The following TOR1B variants were observed in gnomAD, a reference collection of about 807,000 sequenced individuals.
The protein encoded by TOR1B is torsin family 1 member B.
Under a neutral mutation model 29.2 loss-of-function variants are expected in TOR1B, and 14 were observed. The ratio of observed to expected loss-of-function variants is 0.48; its 90% CI spans 0.32 to 0.75. The LOEUF (loss-of-function observed/expected upper bound fraction) is 0.75, where lower values mean the gene tolerates loss of function less well. Ranked by LOEUF, TOR1B falls within the 30% of genes least tolerant of loss-of-function variation. The pLI is 0.04. For missense variants in TOR1B, 400 were observed against 433.9 expected, an observed-to-expected ratio of 0.92 and a Z score of 0.69; for synonymous variants, 166 against 179.8, an observed-to-expected ratio of 0.92 and a Z score of 0.62.
chr9:129,810,018 G>C lies in TOR1B; in HGVS notation c.*435G>C, dbSNP rs1422756468. 1.7e-6 allele frequency: 2 copies of C among 1,201,336 alleles called. No individual in the cohort carries two copies. Among genetic ancestry groups the C allele is most frequent in the Admixed American group, 3.3e-5 (1 of 30,346 alleles). 74.4% of individuals were successfully genotyped at this position (1,201,336 alleles called of 1,614,324 possible). A position where few individuals can be genotyped will look rare whatever the true frequency, so the allele number is the denominator to read the frequency against. The stretch of plus-strand genomic sequence containing the variant: ...CACACTTAATGTACTGACCGAGACA[G>C]AAGTACCTGAAAACAGCTGTGCATG... On this transcript the variant is annotated 3_prime_UTR_variant, in exon 5 of 5. Transcript: ENST00000259339.
rs531691638 is a variant in TOR1B at position 129,804,934 on chromosome 9, G to C, written c.465+596G>C. Among the ~76,000 whole-genome samples the C allele has an allele frequency of 1.5e-4, 22 of 150,124 alleles. 1 individual carries two copies. Among genetic ancestry groups the C allele is most frequent in the Admixed American group, 2.0e-4 (3 of 15,052 alleles). Reference sequence around the variant, plus strand: ...GGGGCGGATCACGAGGTCAGGAGATGGAGACCATCCTGGCTAACACGGTGA... The same window carrying C: ...GGGGCGGATCACGAGGTCAGGAGATCGAGACCATCCTGGCTAACACGGTGA... On this transcript the variant is annotated intron_variant, in intron 2 of 4. Transcript: ENST00000259339.
Position 129,810,341 on chromosome 9 carries a change from GT to G in TOR1B, c.*759del. 2 of 1,159,630 alleles carry G rather than the reference GT, an allele frequency of 1.7e-6. No homozygotes were observed. Among genetic ancestry groups the G allele is most frequent in the Non-Finnish European group, 2.3e-6 (2 of 887,436 alleles). The allele number at this position is 1,159,630 out of a possible 1,614,324, so 71.8% of individuals were successfully genotyped here. A position where few individuals can be genotyped will look rare whatever the true frequency, so the allele number is the denominator to read the frequency against. ...ACTCTTGATCTGAGCTGACCTGTGTGTGTGTGTGTGGGGGGGTGGGGCCTTC... is the reference window on the plus strand; with the variant it reads ...ACTCTTGATCTGAGCTGACCTGTGTGGTGTGTGTGGGGGGGTGGGGCCTTC... On this transcript the variant is annotated 3_prime_UTR_variant, in exon 5 of 5. Transcript: ENST00000259339.
At chr9:129,808,812 A>G in intron 3 of TOR1B, 93 bp from the exon 4 acceptor site, 2 of 1,532,204 alleles carry the variant, frequency 1.3e-6, no homozygotes, top group Non-Finnish European at 1.8e-6. Context: ...TCGGCCTCCC[A>G]AAGTGCTGGG....
chr9:129,804,836 CAAA>C (rs34803368), intron 2 of TOR1B, among the ~76,000 whole-genome samples: 3 of 50,376 alleles, frequency 6.0e-5, no homozygotes. Context: ...TACTCGGTCT[CAAA>C]AAAAAAAAAA....
rs141116203 is a variant in TOR1B at position 129,810,264 on chromosome 9, G to T, written c.*681G>T. ...TGAAGTATACTCAGTTAAAATCGGG[G>T]CTGGAGGTGCAGACGGTGTCTGACC... On this transcript the variant is annotated 3_prime_UTR_variant, in exon 5 of 5. Coordinates refer to ENST00000259339, the MANE Select transcript of TOR1B (RefSeq NM_014506.3). The T allele has an allele frequency of 7.4e-5, 97 of 1,304,006 alleles. No individual in the cohort carries two copies. The African/African-American group carries it at 1.2e-3, about 17-fold the overall frequency. 80.8% of individuals were successfully genotyped at this position (1,304,006 alleles called of 1,614,324 possible).
At chr9:129,808,302 A>G (rs1234123382) in intron 3 of TOR1B, among the ~76,000 whole-genome samples, 1 of 152,026 alleles carries the variant, frequency 6.6e-6, no homozygotes, top group Non-Finnish European at 1.5e-5. Flanking sequence ...TTTCAAGACC[A>G]GGCTGGCCAA....
In TOR1B at chr9:129,803,326, G is replaced by A. The variant is rs773358359; in HGVS notation, c.114G>A (p.Ser38=). The A allele has an allele frequency of 1.3e-6, 2 of 1,591,340 alleles. No homozygotes were observed. Among genetic ancestry groups the A allele is most frequent in the Non-Finnish European group, 1.7e-6 (2 of 1,172,440 alleles). ...ITVGLAIGAA[S]AITGYLSYND... The stretch of plus-strand genomic sequence containing the variant: ...TGGGCCTAGCCATCGGGGCCGCGTC[G>A]GCCATCACCGGCTACCTGTCCTACA... Residue 38 remains serine (S), a synonymous_variant, in exon 1 of 5, where the codon TCG becomes TCA. Coordinates refer to ENST00000259339, the MANE Select transcript of TOR1B (RefSeq NM_014506.3).
intron 1 of TOR1B, among the ~76,000 whole-genome samples, chr9:129,803,696 C>T (rs964837780): frequency 2.6e-5 from 4 of 152,232 alleles, no homozygotes; most frequent in African/African-American, 9.6e-5. Context: ...GGAAAGTAGG[C>T]GGGCGGCCCT....
chr9:129,806,235 G>C (rs1431346997), intron 2 of TOR1B, among the ~76,000 whole-genome samples: 1 of 152,146 alleles, frequency 6.6e-6, no homozygotes, highest in Non-Finnish European at 1.5e-5. Flanking sequence ...AGACAGGGAA[G>C]ACTGCTAAAA....
rs756830163 is a variant in TOR1B at position 129,803,210 on chromosome 9, G to C, written c.-3G>C. 1 of 1,479,546 alleles carries C rather than the reference G, an allele frequency of 6.8e-7. No individual in the cohort carries two copies. Among genetic ancestry groups the C allele is most frequent in the Non-Finnish European group, 8.9e-7 (1 of 1,122,188 alleles). 91.7% of individuals were successfully genotyped at this position (1,479,546 alleles called of 1,614,324 possible). On this transcript the variant is annotated 5_prime_UTR_variant, in exon 1 of 5. Transcript: ENST00000259339. ...GTGGCTTCTGCGGGCTTCGAGGAGC[G>C]GGATGTTGCGGGCTGGGTGGCTCCG...
At chr9:129,809,096 G>C in intron 4 of TOR1B, 64 bp downstream of exon 4, 1 of 1,547,770 alleles carries the variant, frequency 6.5e-7, no homozygotes, top group South Asian at 1.2e-5. Context: ...CTCTTTCATT[G>C]AGTGTTTCAC....
chr9:129,803,795 C>T (rs1408349972), intron 1 of TOR1B, among the ~76,000 whole-genome samples: 1 of 152,204 alleles, frequency 6.6e-6, no homozygotes, highest in East Asian at 1.9e-4. Flanking sequence ...TCCTGCAGGT[C>T]AGCAAGGGTG....
rs1266485603 is a variant in TOR1B at position 129,809,736 on chromosome 9, T to C, written c.*153T>C. 2.8e-6 allele frequency: 4 copies of C among 1,439,006 alleles called. No individual in the cohort carries two copies. Among genetic ancestry groups the C allele is most frequent in the Non-Finnish European group, 3.6e-6 (4 of 1,102,822 alleles). 89.1% of individuals were successfully genotyped at this position (1,439,006 alleles called of 1,614,324 possible). A position where few individuals can be genotyped will look rare whatever the true frequency, so the allele number is the denominator to read the frequency against. ...TCTTTTTTTTGAGAAGAGGTCTCAC[T>C]CCGTCATCCAAGCTGGAGTGCAGTG... On this transcript the variant is annotated 3_prime_UTR_variant, in exon 5 of 5. Transcript: ENST00000259339.
intron 2 of TOR1B, among the ~76,000 whole-genome samples, chr9:129,805,886 C>T (rs977862186): frequency 6.6e-6 from 1 of 152,060 alleles, no homozygotes; most frequent in African/African-American, 2.4e-5. Context: ...AGGGTTAGTT[C>T]TCATTTAAAT....
Position 129,804,209 on chromosome 9 carries a change from C to T in TOR1B, c.336C>T (p.Gly112=). Residue 112 remains glycine, a synonymous_variant, in exon 2 of 5, where the codon GGC becomes GGT. Transcript: ENST00000259339. Reference sequence around the variant, plus strand: ...CCCTTTCCTTACACGGCTGGGCTGGCACAGGCAAGAATTTTGTCAGTCAAA... The same window carrying T: ...CCCTTTCCTTACACGGCTGGGCTGGTACAGGCAAGAATTTTGTCAGTCAAA... The part of the protein sequence containing the change: ...PLTLSLHGWA[G]TGKNFVSQIV... 1 of 1,614,218 alleles carries T rather than the reference C, an allele frequency of 6.2e-7. No homozygotes were observed. Among genetic ancestry groups the T allele is most frequent in the Non-Finnish European group, 8.5e-7 (1 of 1,180,042 alleles).
rs111440015 is a variant in TOR1B, at chr9:129,810,399, C to T, written c.*816C>T. The T allele has an allele frequency of 0.025, 30,472 of 1,218,204 alleles. 493 individuals carry two copies. The highest frequency in any genetic ancestry group is 0.027 in the Non-Finnish European group (25,584 of 945,364). 75.5% of individuals were successfully genotyped at this position (1,218,204 alleles called of 1,614,324 possible). A position where few individuals can be genotyped will look rare whatever the true frequency, so the allele number is the denominator to read the frequency against. On this transcript the variant is annotated 3_prime_UTR_variant, in exon 5 of 5. Coordinates refer to ENST00000259339, the MANE Select transcript of TOR1B (RefSeq NM_014506.3). ...GACCTCTGCAGCAGACCTGGACAGA[C>T]AGGCCCCTCCCGCCTGTCCATCGCT... is the stretch of plus-strand genomic sequence containing the variant.
At position 129,810,056 on chromosome 9, in the gene TOR1B, A is replaced by G; in HGVS notation, c.*473A>G. 8.1e-7 allele frequency: 1 copy of G among 1,234,078 alleles called. No individual in the cohort carries two copies. The highest frequency in any genetic ancestry group is 1.4e-5 in the South Asian group (1 of 70,944). 76.4% of individuals were successfully genotyped at this position (1,234,078 alleles called of 1,614,324 possible). A position where few individuals can be genotyped will look rare whatever the true frequency, so the allele number is the denominator to read the frequency against. On this transcript the variant is annotated 3_prime_UTR_variant, in exon 5 of 5. Transcript: ENST00000259339. ...ACAGCTGTGCATGGCAGGCCCGGCA[A>G]TAGCTTCTGACCCACAGCACCCGCG...
chr9:129,810,174 T>G lies in TOR1B; in HGVS notation c.*591T>G, dbSNP rs1564179670. 7.7e-7 allele frequency: 1 copy of G among 1,304,194 alleles called. No individual in the cohort carries two copies. The highest frequency in any genetic ancestry group is 1.0e-6 in the Non-Finnish European group (1 of 988,902). 80.8% of individuals were successfully genotyped at this position (1,304,194 alleles called of 1,614,324 possible). ...TTCTCACCAGCAGGCTGCGGGGCAC[T>G]GTGTTCTCATTGGCCAAAAACATCC... is the stretch of plus-strand genomic sequence containing the variant. On this transcript the variant is annotated 3_prime_UTR_variant, in exon 5 of 5. Transcript: ENST00000259339.
chr9:129,805,716 G>T (rs1388808204), intron 2 of TOR1B, among the ~76,000 whole-genome samples: 1 of 152,194 alleles, frequency 6.6e-6, no homozygotes, highest in African/African-American at 2.4e-5. Flanking sequence ...TAGCCTAGAG[G>T]TCTTTTTTCT....
Sources: allele counts gnomAD v4.1 joint callset (sites outside exome capture counted in the v4.1 genomes callset), GRCh38; gene constraint gnomAD v4.1.1; transcripts MANE v1.5; gene names NCBI Gene and HGNC (gene_info 2026-07-23, HGNC 2026-07-21).